The following CTNNA2 variants were observed in gnomAD, a reference collection of about 807,000 sequenced individuals.
CTNNA2 encodes the protein catenin alpha 2.
A neutral mutation model predicts 101.0 loss-of-function variants in CTNNA2; 42 were observed. The observed-to-expected ratio is 0.42, with a 90% CI of 0.32 to 0.54. The LOEUF (loss-of-function observed/expected upper bound fraction) is 0.54, where lower values mean the gene tolerates loss of function less well. Among genes scored for constraint, CTNNA2 ranks in the 20% least tolerant of loss-of-function variants. The probability of loss-of-function intolerance (pLI) is 0.14; values close to 1 mark genes in which losing one functional copy is unlikely to be tolerated. For missense variants in CTNNA2, 871 were observed against 1,223.1 expected, an observed-to-expected ratio of 0.71 and a Z score of 4.29; for synonymous variants, 450 against 456.4, an observed-to-expected ratio of 0.99 and a Z score of 0.18.
intron 3 of CTNNA2, among the ~76,000 whole-genome samples, chr2:79,332,307 A>T (rs934723826): frequency 6.6e-6 from 1 of 151,588 alleles, no homozygotes; most frequent in African/African-American, 2.4e-5. Context: ...AGAAGAAAAA[A>T]AAAAAAAAGA....
intron 4 of CTNNA2, among the ~76,000 whole-genome samples, chr2:79,445,592 C>T (rs1174151145): frequency 3.9e-5 from 6 of 152,128 alleles, no homozygotes; most frequent in Admixed American, 1.3e-4. Context: ...ACATATCACA[C>T]TTCAGTTTTG....
At chr2:79,897,182 TA>T (rs1218383194) in intron 6 of CTNNA2, among the ~76,000 whole-genome samples, 2 of 152,084 alleles carry the variant, frequency 1.3e-5, no homozygotes, top group Non-Finnish European at 2.9e-5. Context: ...ATTGGAGAAT[TA>T]CTAGGTAAGA....
chr2:79,874,562 T>A (rs1682857269), intron 6 of CTNNA2, among the ~76,000 whole-genome samples: 1 of 152,212 alleles, frequency 6.6e-6, no homozygotes, highest in African/African-American at 2.4e-5. Context: ...GGCTCACCCC[T>A]GTAATCCCAG....
At chr2:80,504,752 C>T (rs891330863) in intron 9 of CTNNA2, among the ~76,000 whole-genome samples, 2 of 152,160 alleles carry the variant, frequency 1.3e-5, no homozygotes, top group Non-Finnish European at 1.5e-5. Context: ...GAGGTATACA[C>T]AAAAGTTCTT....
At chr2:80,178,211 G>C (rs951483768) in intron 7 of CTNNA2, among the ~76,000 whole-genome samples, 4 of 152,198 alleles carry the variant, frequency 2.6e-5, no homozygotes, top group African/African-American at 9.7e-5. Flanking sequence ...GTTCAAGCCT[G>C]TTCACGTACA....
intron 1 of CTNNA2, among the ~76,000 whole-genome samples, chr2:79,625,683 A>G (rs982343090): frequency 1.6e-4 from 24 of 152,160 alleles, no homozygotes; most frequent in African/African-American, 5.8e-4. Context: ...CAGGAACTAG[A>G]CAGACTCCAG....
intron 9 of CTNNA2, among the ~76,000 whole-genome samples, chr2:80,431,900 T>A (rs542499115): frequency 6.7e-6 from 1 of 149,696 alleles, no homozygotes; most frequent in African/African-American, 2.5e-5. Flanking sequence ...AACTTTTTGG[T>A]TTTTTTTTTC....
intron 1 of CTNNA2, among the ~76,000 whole-genome samples, chr2:79,192,313 ACT>A (rs1267930570): frequency 6.6e-6 from 1 of 152,154 alleles, no homozygotes; most frequent in Non-Finnish European, 1.5e-5. Context: ...TGCATATTGT[ACT>A]CTTACAGCTT....
At chr2:79,703,632 AT>A (rs1276492452) in intron 2 of CTNNA2, among the ~76,000 whole-genome samples, 1 of 152,118 alleles carries the variant, frequency 6.6e-6, no homozygotes, top group Non-Finnish European at 1.5e-5. Flanking sequence ...GTTAATTTTA[AT>A]TTTTGTTCTT....
intron 9 of CTNNA2, among the ~76,000 whole-genome samples, chr2:80,531,084 G>T (rs950620758): frequency 4.6e-5 from 7 of 152,262 alleles, no homozygotes; most frequent in African/African-American, 1.4e-4. Context: ...GGCAGGGAGG[G>T]AGCTGTTAAG....
intron 7 of CTNNA2, among the ~76,000 whole-genome samples, chr2:79,993,773 G>T (rs1692347208): frequency 6.6e-6 from 1 of 152,126 alleles, no homozygotes; most frequent in Non-Finnish European, 1.5e-5. Context: ...AGAATAAAAA[G>T]AAGTGGCTCT....
chr2:80,141,719 A>T (rs1047571584), intron 7 of CTNNA2, among the ~76,000 whole-genome samples: 13 of 152,104 alleles, frequency 8.5e-5, no homozygotes, highest in African/African-American at 3.1e-4. Flanking sequence ...GAGTTATTTC[A>T]TGGGAAATTT....
chr2:80,128,373 G>C (rs1409724977), intron 7 of CTNNA2, among the ~76,000 whole-genome samples: 1 of 152,156 alleles, frequency 6.6e-6, no homozygotes, highest in African/African-American at 2.4e-5. Context: ...AGTCAGCACA[G>C]CTGAGGGCTT....
At chr2:80,353,055 CTA>C (rs1254327394) in intron 7 of CTNNA2, among the ~76,000 whole-genome samples, 1 of 152,082 alleles carries the variant, frequency 6.6e-6, no homozygotes, top group Non-Finnish European at 1.5e-5. Context: ...TTAGATGTGA[CTA>C]TGTCTTCCCC....
At chr2:80,537,990 G>A (rs541990043) in intron 9 of CTNNA2, among the ~76,000 whole-genome samples, 39 of 152,226 alleles carry the variant, frequency 2.6e-4, no homozygotes, top group African/African-American at 8.4e-4. Flanking sequence ...GTGATGATGA[G>A]CTTTTTTTCA....
chr2:79,738,271 C>T (rs191207331), intron 2 of CTNNA2, among the ~76,000 whole-genome samples: 12 of 152,190 alleles, frequency 7.9e-5, no homozygotes, highest in Non-Finnish European at 1.3e-4. Context: ...AGAACACTTA[C>T]ACTCTTACCT....
intron 4 of CTNNA2, among the ~76,000 whole-genome samples, chr2:79,427,522 A>G (rs1175465977): frequency 6.6e-6 from 1 of 151,970 alleles, no homozygotes; most frequent in Admixed American, 6.6e-5. Flanking sequence ...TAAACTGTAT[A>G]TGAATTTATT....
At chr2:79,751,156 A>G (rs1171227252) in intron 3 of CTNNA2, among the ~76,000 whole-genome samples, 1 of 152,168 alleles carries the variant, frequency 6.6e-6, no homozygotes, top group African/African-American at 2.4e-5. Flanking sequence ...CCAGTGGGAC[A>G]AGAATTGCAG....
At chr2:79,669,075 A>C (rs1161418400) in intron 2 of CTNNA2, among the ~76,000 whole-genome samples, 1 of 152,228 alleles carries the variant, frequency 6.6e-6, no homozygotes, top group Non-Finnish European at 1.5e-5. Context: ...CTACTGACAA[A>C]TACTGATTCC....
Sources: allele counts gnomAD v4.1 joint callset (sites outside exome capture counted in the v4.1 genomes callset), GRCh38; gene constraint gnomAD v4.1.1; transcripts MANE v1.5; gene names NCBI Gene and HGNC (gene_info 2026-07-23, HGNC 2026-07-21).